GFRA1: variants seen among roughly 807,000 people sequenced by gnomAD.
The protein encoded by GFRA1 is GDNF family receptor alpha 1, also known as GDNF family receptor alpha-1.
Under a neutral mutation model 51.6 loss-of-function variants are expected in GFRA1, and 16 were observed. The observed-to-expected ratio is 0.31, with a 90% CI of 0.21 to 0.47. The LOEUF (loss-of-function observed/expected upper bound fraction) is 0.47, where lower values mean the gene tolerates loss of function less well. GFRA1 is among the 20% of genes least tolerant of loss of function. GFRA1 has a pLI of 1.00. For missense variants in GFRA1, 530 were observed against 594.3 expected, an observed-to-expected ratio of 0.89 and a Z score of 1.13; for synonymous variants, 270 against 241.3, an observed-to-expected ratio of 1.12 and a Z score of -1.10.
At chr10:116,171,010 G>A (rs927586238) in intron 5 of GFRA1, among the ~76,000 whole-genome samples, 3 of 152,080 alleles carry the variant, frequency 2.0e-5, no homozygotes, top group African/African-American at 4.8e-5. Flanking sequence ...ATCTTTCTAC[G>A]TTTACTTATA....
At chr10:116,250,975 G>A (rs1020872772) in intron 4 of GFRA1, among the ~76,000 whole-genome samples, 7 of 152,244 alleles carry the variant, frequency 4.6e-5, no homozygotes, top group African/African-American at 1.7e-4. Flanking sequence ...CAGGTGCTCA[G>A]AATGGCCAGT....
rs1251044145 is a variant in GFRA1 at position 116,064,070 on chromosome 10, GATC to G, written c.*325_*327del. The stretch of plus-strand genomic sequence containing the variant: ...TCATGATCATGATGATCATCATCAT[GATC>G]ATGATGATCATCATCATGATCATCA... On this transcript the variant is annotated 3_prime_UTR_variant, in exon 11 of 11. Transcript: ENST00000355422. The G allele has an allele frequency of 3.5e-4, 50 of 142,442 alleles. No homozygotes were observed. The highest frequency in any genetic ancestry group is 5.2e-3 in the Middle Eastern group (2 of 386). 8.8% of individuals were successfully genotyped at this position (142,442 alleles called of 1,614,324 possible).
intron 5 of GFRA1, among the ~76,000 whole-genome samples, chr10:116,154,229 C>G (rs1054278643): frequency 1.3e-5 from 2 of 152,274 alleles, no homozygotes; most frequent in South Asian, 4.2e-4. Flanking sequence ...CAATTTTACT[C>G]AACAGGAATG....
At chr10:116,209,299 G>A (rs1011692063) in intron 5 of GFRA1, among the ~76,000 whole-genome samples, 1 of 152,158 alleles carries the variant, frequency 6.6e-6, no homozygotes, top group Non-Finnish European at 1.5e-5. Context: ...AATAACTTCT[G>A]TTTCCTCTGA....
chr10:116,124,220 C>A (rs1001956166), intron 6 of GFRA1, among the ~76,000 whole-genome samples: 1 of 144,720 alleles, frequency 6.9e-6, no homozygotes, highest in African/African-American at 2.6e-5. Context: ...TTTTTCTTTT[C>A]TTCTTCTTCT....
chr10:116,122,729 C>A (rs753134127), intron 6 of GFRA1, among the ~76,000 whole-genome samples: 7 of 152,082 alleles, frequency 4.6e-5, no homozygotes, highest in South Asian at 4.2e-4. Context: ...GTAAGATAAA[C>A]CTGGGAGAAC....
At chr10:116,064,869 A>G (rs74158548) in intron 10 of GFRA1, among the ~76,000 whole-genome samples, 1 of 148,786 alleles carries the variant, frequency 6.7e-6, no homozygotes, top group Admixed American at 6.6e-5. Flanking sequence ...CCAGGGTTCC[A>G]CGTTGCACAG....
intron 4 of GFRA1, among the ~76,000 whole-genome samples, chr10:116,266,275 G>C (rs2532693): frequency 0.99 from 150,835 of 152,280 alleles, 74,718 homozygotes; most frequent in East Asian, 1. Flanking sequence ...AACATGGAAA[G>C]TGATTGCTAC....
rs1187099614 is a variant in GFRA1, at chr10:116,211,574, C to T, written c.433+57G>A. ...ATAACCCTCTGTACACAGACCATAC[C>T]CATGTTCCCCAAAGAGCACAGCCAG... On this transcript the variant is annotated intron_variant, in intron 5 of 10. Coordinates refer to ENST00000355422, the MANE Select transcript of GFRA1 (RefSeq NM_005264.8). 2.0e-6 allele frequency: 3 copies of T among 1,465,384 alleles called. No homozygotes were observed. In the African/African-American group the frequency reaches 4.2e-5, roughly 21 times the overall value. 90.8% of individuals were successfully genotyped at this position (1,465,384 alleles called of 1,614,324 possible). A position where few individuals can be genotyped will look rare whatever the true frequency, so the allele number is the denominator to read the frequency against.
At chr10:116,139,186 A>G (rs1021493288) in intron 5 of GFRA1, among the ~76,000 whole-genome samples, 6 of 152,136 alleles carry the variant, frequency 3.9e-5, no homozygotes, top group Non-Finnish European at 7.3e-5. Context: ...GGATGGTGCA[A>G]AAGTACTTGT....
chr10:116,152,979 T>C (rs2134145244), intron 5 of GFRA1, among the ~76,000 whole-genome samples: 1 of 152,332 alleles, frequency 6.6e-6, no homozygotes, highest in South Asian at 2.1e-4. Context: ...AAGTGTGTTA[T>C]AAACCTGATC....
At chr10:116,206,622 C>CTTTGT (rs1964780443) in intron 5 of GFRA1, among the ~76,000 whole-genome samples, 1 of 84,494 alleles carries the variant, frequency 1.2e-5, no homozygotes, top group African/African-American at 4.3e-5. Context: ...ACCACATTCT[C>CTTTGT]TTTTTTTTTT....
intron 3 of GFRA1, among the ~76,000 whole-genome samples, chr10:116,270,319 C>T (rs1843798622): frequency 1.3e-5 from 2 of 152,214 alleles, no homozygotes; most frequent in South Asian, 4.1e-4. Flanking sequence ...ACACATCTGC[C>T]TTTGATCACG....
At chr10:116,107,917 G>C (rs747259531) in intron 6 of GFRA1, among the ~76,000 whole-genome samples, 3 of 152,166 alleles carry the variant, frequency 2.0e-5, no homozygotes, top group Non-Finnish European at 4.4e-5. Context: ...TTAATAATTT[G>C]TGAAACCCCC....
intron 4 of GFRA1, among the ~76,000 whole-genome samples, chr10:116,244,356 T>G (rs1967679214): frequency 6.8e-6 from 1 of 148,042 alleles, no homozygotes; most frequent in Non-Finnish European, 1.5e-5. Flanking sequence ...TTTTATTTCA[T>G]TTAACTTTAA....
intron 4 of GFRA1, among the ~76,000 whole-genome samples, chr10:116,250,758 G>A (rs563328128): frequency 3.9e-5 from 6 of 152,292 alleles, no homozygotes; most frequent in African/African-American, 1.4e-4. Flanking sequence ...AAGCTTCCTG[G>A]TGTCCTCAGG....
chr10:116,258,109 C>T (rs1005863952), intron 4 of GFRA1, among the ~76,000 whole-genome samples: 1 of 152,124 alleles, frequency 6.6e-6, no homozygotes, highest in Non-Finnish European at 1.5e-5. Context: ...ACTCATTCAT[C>T]ATAATTTATC....
intron 6 of GFRA1, among the ~76,000 whole-genome samples, chr10:116,100,992 T>A (rs1383710105): frequency 1.3e-5 from 2 of 152,070 alleles, no homozygotes; most frequent in Admixed American, 6.6e-5. Context: ...AGGAAGATAA[T>A]GAGGCTGGCG....
At chr10:116,084,069 G>A (rs1338594137) in intron 9 of GFRA1, among the ~76,000 whole-genome samples, 1 of 152,146 alleles carries the variant, frequency 6.6e-6, no homozygotes, top group African/African-American at 2.4e-5. Context: ...CCAGGCAGAT[G>A]CCCACCCCAA....
Sources: allele counts gnomAD v4.1 joint callset (sites outside exome capture counted in the v4.1 genomes callset), GRCh38; gene constraint gnomAD v4.1.1; transcripts MANE v1.5; gene names NCBI Gene and HGNC (gene_info 2026-07-23, HGNC 2026-07-21).